RMND1: variants seen among roughly 807,000 people sequenced by gnomAD.
RMND1 encodes the protein required for meiotic nuclear division 1 homolog, also known as required for meiotic nuclear division protein 1 homolog.
A neutral mutation model predicts 54.0 loss-of-function variants in RMND1; 41 were observed. The ratio of observed to expected loss-of-function variants is 0.76; its 90% confidence interval spans 0.59 to 0.98. The LOEUF is 0.98. Ranked by LOEUF, RMND1 falls within the 50% of genes least tolerant of loss-of-function variation. The pLI is 0.00. For synonymous variants in RMND1, 183 were observed against 181.7 expected, an observed-to-expected ratio of 1.01 and a Z score of -0.06; for missense variants, 457 against 532.0, an observed-to-expected ratio of 0.86 and a Z score of 1.39.
In RMND1 at chr6:151,404,822, A is replaced by G. The variant is rs573775746; in HGVS notation, c.*413T>C. The G allele has an allele frequency of 6.5e-6, 1 of 154,258 alleles. No individual in the cohort carries two copies. The highest frequency in any genetic ancestry group is 2.0e-4 in the South Asian group (1 of 4,888). 9.6% of individuals were successfully genotyped at this position (154,258 alleles called of 1,614,324 possible). ...GGCTGAAAAAGATAATTTCTTGATT[A>G]AAAAAACACCTATTAAATGATCACC... On this transcript the variant is annotated 3_prime_UTR_variant, in exon 12 of 12. Coordinates refer to ENST00000444024, the MANE Select transcript of RMND1 (RefSeq NM_017909.4).
chr6:151,435,707 A>G (rs1332721860), intron 3 of RMND1, among the ~76,000 whole-genome samples: 1 of 151,564 alleles, frequency 6.6e-6, no homozygotes, highest in African/African-American at 2.4e-5. Context: ...GGCGTGAGCT[A>G]CTGCACCCGG....
intron 10 of RMND1, among the ~76,000 whole-genome samples, chr6:151,410,644 T>G (rs978200882): frequency 6.6e-6 from 1 of 152,120 alleles, no homozygotes; most frequent in Non-Finnish European, 1.5e-5. Context: ...GGGAATGAAA[T>G]AAAGAACAAT....
chr6:151,426,839 G>A (rs181925954), intron 6 of RMND1, among the ~76,000 whole-genome samples: 1 of 151,636 alleles, frequency 6.6e-6, no homozygotes, highest in Non-Finnish European at 1.5e-5. Flanking sequence ...GCGTGATCTC[G>A]GCTCACTGCA....
chr6:151,430,137 C>G lies in RMND1; in HGVS notation c.729+1G>C. ...ATTTTCACATTTTTATTTACACTTA[C>G]AGTTTTGTCTTTCACATTCCAAAAC... On this transcript the variant is annotated splice_donor_variant, in intron 5 of 11. Coordinates refer to ENST00000444024, the MANE Select transcript of RMND1 (RefSeq NM_017909.4). LOFTEE classifies it high-confidence loss of function. 3.1e-6 allele frequency: 5 copies of G among 1,592,130 alleles called. No individual in the cohort carries two copies. The highest frequency in any genetic ancestry group is 2.2e-5 in the East Asian group (1 of 44,622).
intron 8 of RMND1, among the ~76,000 whole-genome samples, chr6:151,421,980 AC>A (rs1780164103): frequency 1.3e-5 from 2 of 152,178 alleles, no homozygotes; most frequent in Admixed American, 6.5e-5. Context: ...AAAATACTGC[AC>A]CAACAGAGGA....
At chr6:151,410,433 A>C (rs1302618517) in intron 10 of RMND1, among the ~76,000 whole-genome samples, 1 of 152,160 alleles carries the variant, frequency 6.6e-6, no homozygotes, top group Non-Finnish European at 1.5e-5. Flanking sequence ...TGTATTATGT[A>C]TAATGCCAGC....
intron 5 of RMND1, among the ~76,000 whole-genome samples, chr6:151,429,506 GATCTATAGTAT>G (rs1351080622): frequency 6.6e-6 from 1 of 152,002 alleles, no homozygotes; most frequent in Admixed American, 6.6e-5. Flanking sequence ...TTTCTAAGGG[GATCTATAGTAT>G]ATCTGTAGTA....
At chr6:151,444,998 A>G (rs1454266275) in intron 2 of RMND1, 2 of 247,090 alleles carry the variant, frequency 8.1e-6, no homozygotes, top group African/African-American at 4.5e-5. Flanking sequence ...ATTTTTTTTT[A>G]CAGTCCCATT....
At chr6:151,410,277 G>A (rs564554848) in intron 10 of RMND1, among the ~76,000 whole-genome samples, 104 of 152,138 alleles carry the variant, frequency 6.8e-4, no homozygotes, top group African/African-American at 1.6e-3. Flanking sequence ...GGATGGTCTG[G>A]ATCTCCTGAC....
chr6:151,434,620 T>C (rs190950551), intron 3 of RMND1, among the ~76,000 whole-genome samples: 1 of 152,268 alleles, frequency 6.6e-6, no homozygotes, highest in Non-Finnish European at 1.5e-5. Flanking sequence ...TAGACATAGC[T>C]CTGTCTTTCT....
Position 151,427,386 on chromosome 6 carries a change from A to AT in RMND1, c.830+95_830+96insA, listed in dbSNP as rs1226589507. On this transcript the variant is annotated intron_variant, in intron 6 of 11. Coordinates refer to ENST00000444024, the MANE Select transcript of RMND1 (RefSeq NM_017909.4). ...GTGAGACTCCGTCTCAAAAAAAAAA[A>AT]AAAAGTTTCCATATGCATAATAATT... The AT allele has an allele frequency of 2.4e-4, 173 of 718,634 alleles. 1 individual carries two copies. The African/African-American group carries it at 2.7e-3, about 11-fold the overall frequency. The allele number at this position is 718,634 out of a possible 1,614,324, so 44.5% of individuals were successfully genotyped here.
chr6:151,407,776 C>T (rs1012545521), intron 10 of RMND1, among the ~76,000 whole-genome samples: 2 of 151,978 alleles, frequency 1.3e-5, no homozygotes, highest in African/African-American at 2.4e-5. Flanking sequence ...GGTGTTGTGG[C>T]GGCCCCTGTT....
chr6:151,445,822 C>G lies in RMND1; in HGVS notation c.-11G>C. On this transcript the variant is annotated 5_prime_UTR_variant, in exon 2 of 12. Transcript: ENST00000444024. The stretch of plus-strand genomic sequence containing the variant: ...GAGTGTGGCTGGCATTACCACATCC[C>G]AAGCTAAAAGAAAAGGAATTCAAAG... The G allele has an allele frequency of 6.4e-7, 1 of 1,570,160 alleles. No homozygotes were observed. The highest frequency in any genetic ancestry group is 8.6e-7 in the Non-Finnish European group (1 of 1,159,526).
chr6:151,436,178 G>A, intron 3 of RMND1: 1 of 300,386 alleles, frequency 3.3e-6, no homozygotes, highest in South Asian at 4.7e-5. Context: ...TAATGTGCTA[G>A]AAATGAAGTA....
In RMND1 at chr6:151,436,472, T is replaced by C; in HGVS notation, c.587A>G (p.Tyr196Cys). 1.9e-6 allele frequency: 3 copies of C among 1,614,008 alleles called. No individual in the cohort carries two copies. The highest frequency in any genetic ancestry group is 2.5e-6 in the Non-Finnish European group (3 of 1,179,876). Residue 196 changes from tyrosine (Y) to cysteine (C), a missense_variant, in exon 3 of 12, where the codon TAT (tyrosine) becomes TGT (cysteine). Transcript: ENST00000444024. Reference sequence around the variant, plus strand: ...TCTAGGCAAGCTTGTTACTTCAACATATCCGTGGGAGGCCAGATCTTGAGA... The same window carrying C: ...TCTAGGCAAGCTTGTTACTTCAACACATCCGTGGGAGGCCAGATCTTGAGA... ...NLSQDLASHG[Y>C]VEVTSLPRDA...
chr6:151,425,966 C>CA, intron 6 of RMND1, among the ~76,000 whole-genome samples: 1 of 136,096 alleles, frequency 7.3e-6, no homozygotes, highest in Non-Finnish European at 1.5e-5. Flanking sequence ...TTTTTTGAGA[C>CA]AGAGTCTCAC....
intron 10 of RMND1, among the ~76,000 whole-genome samples, chr6:151,415,281 C>CTTT (rs61504956): frequency 6.8e-6 from 1 of 146,216 alleles, no homozygotes; most frequent in Admixed American, 6.9e-5. Flanking sequence ...AATAAGAATT[C>CTTT]TTTTTTTTTT....
At chr6:151,421,697 A>G (rs994834657) in intron 8 of RMND1, among the ~76,000 whole-genome samples, 6 of 152,156 alleles carry the variant, frequency 3.9e-5, no homozygotes, top group Non-Finnish European at 5.9e-5. Flanking sequence ...CTTTATATGT[A>G]TTTTTCATAC....
rs953638072 is a variant in RMND1 at position 151,452,082 on chromosome 6, G to C, written c.-81C>G. 6.0e-6 allele frequency: 1 copy of C among 167,742 alleles called. No homozygotes were observed. Among genetic ancestry groups the C allele is most frequent in the African/African-American group, 2.4e-5 (1 of 41,652 alleles). 10.4% of individuals were successfully genotyped at this position (167,742 alleles called of 1,614,324 possible). A position where few individuals can be genotyped will look rare whatever the true frequency, so the allele number is the denominator to read the frequency against. ...CTTCCTCGGCAGGACTGCAGGGAAA[G>C]AGCCGCACCCCCAGCCTCTCACTAC... On this transcript the variant is annotated 5_prime_UTR_variant, in exon 1 of 12. Coordinates refer to ENST00000444024, the MANE Select transcript of RMND1 (RefSeq NM_017909.4).
Sources: gnomAD v4.1 joint callset for allele counts (sites outside exome capture counted in the v4.1 genomes callset) on GRCh38, gnomAD v4.1.1 for gene constraint, MANE v1.5 for transcripts, NCBI Gene and HGNC (gene_info 2026-07-23, HGNC 2026-07-21) for gene names.